KCNS3: variants seen among roughly 807,000 people sequenced by gnomAD.
KCNS3 encodes potassium voltage-gated channel modifier subfamily S member 3.
KCNS3 carries 13 observed loss-of-function variants against 31.0 expected under a neutral mutation model. The observed-to-expected ratio is 0.42, with a 90% CI of 0.27 to 0.67. KCNS3 has a LOEUF of 0.67. KCNS3 is among the 30% of genes least tolerant of loss of function. The probability of loss-of-function intolerance (pLI) is 0.25; values close to 1 mark genes in which losing one functional copy is unlikely to be tolerated. For synonymous variants in KCNS3, 238 were observed against 241.5 expected, an observed-to-expected ratio of 0.99 and a Z score of 0.13; for missense variants, 545 against 622.4, an observed-to-expected ratio of 0.88 and a Z score of 1.32.
chr2:17,888,635 A>ATATATATC (rs1661756994), intron 1 of KCNS3, among the ~76,000 whole-genome samples: 1 of 28,506 alleles, frequency 3.5e-5, no homozygotes, highest in African/African-American at 9.8e-5. Context: ...AAATGTATAT[A>ATATATATC]TATATATATA....
At chr2:17,921,958 T>TATAA (rs1284771923) in intron 2 of KCNS3, among the ~76,000 whole-genome samples, 8 of 133,848 alleles carry the variant, frequency 6.0e-5, no homozygotes, top group African/African-American at 2.2e-4. Context: ...TATATATATA[T>TATAA]AAATACATAT....
At chr2:17,923,153 A>G (rs1013431474) in intron 2 of KCNS3, among the ~76,000 whole-genome samples, 3 of 152,150 alleles carry the variant, frequency 2.0e-5, no homozygotes, top group Non-Finnish European at 1.5e-5. Flanking sequence ...CTTTTTGACT[A>G]TAGCCATCAT....
rs1663016934 is a variant in KCNS3, at chr2:17,932,321, T to G, written c.1313T>G (p.Phe438Cys). ...GAGAAGTGTCATGAGCTACCTTACT[T>G]TAACATTAGGGATATATATGCACAG... ...APEKCHELPY[F>C]NIRDIYAQRM... The change falls in exon 3 of 3, where the codon TTT becomes TGT. Residue 438 changes from phenylalanine to cysteine, a missense_variant. Transcript: ENST00000304101. 1 of 1,613,848 alleles carries G rather than the reference T, an allele frequency of 6.2e-7. No homozygotes were observed. Among genetic ancestry groups the G allele is most frequent in the Non-Finnish European group, 8.5e-7 (1 of 1,179,950 alleles).
chr2:17,902,190 T>C (rs1172728461), intron 1 of KCNS3, among the ~76,000 whole-genome samples: 2 of 152,122 alleles, frequency 1.3e-5, no homozygotes, highest in African/African-American at 2.4e-5. Context: ...GAAGTGTCCT[T>C]TCGGTTTGGT....
intron 2 of KCNS3, among the ~76,000 whole-genome samples, chr2:17,921,911 GTGTGTATATATATATATATATATATA>G (rs72123384): frequency 0.27 from 27,619 of 100,508 alleles, 3,865 homozygotes; most frequent in East Asian, 0.51. Flanking sequence ...ATGTGTGTGT[GTGTGTATATATATATATATATATATA>G]TATATATATA....
Position 17,931,332 on chromosome 2 carries a change from C to T in KCNS3, c.324C>T (p.Ile108=). 1.2e-6 allele frequency: 2 copies of T among 1,614,136 alleles called. No homozygotes were observed. The highest frequency in any genetic ancestry group is 1.1e-5 in the South Asian group (1 of 91,076). ...GCCAGGAGATCGAGTACTGGGGCAT[C>T]AACGAGCTCTTCATTGATTCTTGCT... is the stretch of plus-strand genomic sequence containing the variant. ...SFCQEIEYWG[I]NELFIDSCCS... is the part of the protein sequence containing the mutation. Residue 108 remains isoleucine, a synonymous_variant, in exon 3 of 3, where the codon ATC becomes ATT. Transcript: ENST00000304101. The surrounding 1 kb of genome is among the most constrained non-coding windows in gnomAD (Gnocchi z 5.4).
At chr2:17,911,501 T>G (rs1662470943) in intron 1 of KCNS3, among the ~76,000 whole-genome samples, 1 of 152,220 alleles carries the variant, frequency 6.6e-6, no homozygotes, top group Non-Finnish European at 1.5e-5. Context: ...AAATAACTAT[T>G]TTCATAAATA....
intron 1 of KCNS3, among the ~76,000 whole-genome samples, chr2:17,894,792 C>A (rs1661982897): frequency 6.6e-6 from 1 of 152,206 alleles, no homozygotes; most frequent in East Asian, 1.9e-4. Context: ...AACATCACTG[C>A]TGGGCTTGTT....
intron 1 of KCNS3, among the ~76,000 whole-genome samples, chr2:17,912,297 C>G (rs1175694281): frequency 1.3e-5 from 2 of 152,258 alleles, no homozygotes; most frequent in Non-Finnish European, 2.9e-5. Context: ...TTCCTGCTCA[C>G]TCCAAAGCTG....
intron 1 of KCNS3, among the ~76,000 whole-genome samples, chr2:17,910,958 G>A (rs975264395): frequency 1.3e-5 from 2 of 152,132 alleles, no homozygotes; most frequent in Non-Finnish European, 2.9e-5. Context: ...TCCATACCAC[G>A]AGCTTTCCTG....
At chr2:17,878,317 G>C (rs941443685), upstream of KCNS3, among the ~76,000 whole-genome samples, 1 of 152,230 alleles carries the variant, frequency 6.6e-6, no homozygotes. Context: ...CGGCGCTTCC[G>C]GCCCAGGAGG....
chr2:17,887,282 C>G (rs1208392172), intron 1 of KCNS3, among the ~76,000 whole-genome samples: 1 of 152,038 alleles, frequency 6.6e-6, no homozygotes, highest in Non-Finnish European at 1.5e-5. Context: ...ACTCTTCCCC[C>G]TGAGTCCCCA....
At position 17,931,410 on chromosome 2, in the gene KCNS3, C is replaced by A. The variant is rs577262714; in HGVS notation, c.402C>A (p.Asp134Glu). Residue 134 changes from aspartate (D) to glutamate (E), a missense_variant, in exon 3 of 3, where the codon GAC (aspartate) becomes GAA (glutamate). Coordinates refer to ENST00000304101, the MANE Select transcript of KCNS3 (RefSeq NM_002252.5). This position sits in a 1 kb window ranked among gnomAD's most constrained non-coding sequence, Gnocchi z 5.4. ...RKEENHEKDW[D>E]QKSHDVSTDS... Reference sequence around the variant, plus strand: ...AGGAAAACCACGAGAAGGACTGGGACCAGAAAAGCCATGATGTGAGTACCG... The same window carrying A: ...AGGAAAACCACGAGAAGGACTGGGAACAGAAAAGCCATGATGTGAGTACCG... 6.2e-7 allele frequency: 1 copy of A among 1,614,120 alleles called. No individual in the cohort carries two copies. The highest frequency in any genetic ancestry group is 8.5e-7 in the Non-Finnish European group (1 of 1,180,020).
intron 2 of KCNS3, among the ~76,000 whole-genome samples, chr2:17,919,951 T>C (rs975759937): frequency 6.6e-6 from 1 of 152,198 alleles, no homozygotes; most frequent in Non-Finnish European, 1.5e-5. Context: ...AGTTTAGGTT[T>C]CCAATTCTGT....
At chr2:17,903,197 C>T (rs13386327) in intron 1 of KCNS3, among the ~76,000 whole-genome samples, 4,090 of 152,212 alleles carry the variant, frequency 0.027, 141 homozygotes, top group African/African-American at 0.079. Context: ...CTCATTAATT[C>T]ATTAATTCAG....
At chr2:17,914,099 C>A (rs890313958) in intron 1 of KCNS3, among the ~76,000 whole-genome samples, 1 of 152,194 alleles carries the variant, frequency 6.6e-6, no homozygotes, top group South Asian at 2.1e-4. Context: ...CTTAGCCTTG[C>A]AACTACAGAA....
At chr2:17,921,915 GTATATATATATATATATATATA>G (rs56064218) in intron 2 of KCNS3, among the ~76,000 whole-genome samples, 6 of 32,810 alleles carry the variant, frequency 1.8e-4, no homozygotes, top group Non-Finnish European at 3.3e-4. Flanking sequence ...GTGTGTGTGT[GTATATATATATATATATATATA>G]TATATATATA....
intron 2 of KCNS3, among the ~76,000 whole-genome samples, chr2:17,922,214 A>T (rs1253705459): frequency 6.6e-6 from 1 of 151,522 alleles, no homozygotes; most frequent in African/African-American, 2.4e-5. Flanking sequence ...TGTAACTCTG[A>T]TCTCTGTTAT....
intron 1 of KCNS3, among the ~76,000 whole-genome samples, chr2:17,900,131 C>T (rs1257622578): frequency 6.6e-6 from 1 of 152,128 alleles, no homozygotes; most frequent in Non-Finnish European, 1.5e-5. Flanking sequence ...GCCTGGTTCT[C>T]TGCATTGATC....
Sources: allele counts gnomAD v4.1 joint callset (sites outside exome capture counted in the v4.1 genomes callset), GRCh38; gene constraint gnomAD v4.1.1; non-coding constraint Gnocchi (gnomAD v3.1); transcripts MANE v1.5; gene names NCBI Gene and HGNC (gene_info 2026-07-23, HGNC 2026-07-21).